Variants in ZBTB20 observed in about 807,000 individuals in gnomAD.
ZBTB20 encodes the protein zinc finger and BTB domain containing 20.
Under a neutral mutation model 56.9 loss-of-function variants are expected in ZBTB20, and 9 were observed. The observed-to-expected ratio is 0.16, with a 90% CI of 0.10 to 0.28. The LOEUF is 0.28. Ranked by LOEUF, ZBTB20 falls within the 10% of genes least tolerant of loss-of-function variation. The pLI, the probability that ZBTB20 is intolerant of heterozygous loss-of-function variation, is 1.00. For synonymous variants in ZBTB20, 417 were observed against 420.7 expected, an observed-to-expected ratio of 0.99 and a Z score of 0.11; for missense variants, 655 against 1,003.0, an observed-to-expected ratio of 0.65 and a Z score of 4.69.
chr3:114,338,834 G>T lies in ZBTB20; in HGVS notation c.*171C>A. The T allele has an allele frequency of 1.4e-6, 1 of 690,224 alleles. No homozygotes were observed. The highest frequency in any genetic ancestry group is 2.2e-6 in the Non-Finnish European group (1 of 454,712). The allele number at this position is 690,224 out of a possible 1,614,324, so 42.8% of individuals were successfully genotyped here. A position where few individuals can be genotyped will look rare whatever the true frequency, so the allele number is the denominator to read the frequency against. ...AAGCCTCCGGAAATGTAATGTACCAGCAGGCAAAAAACAGTTCTTCATGTA... is the reference window on the plus strand; with the variant it reads ...AAGCCTCCGGAAATGTAATGTACCATCAGGCAAAAAACAGTTCTTCATGTA... On this transcript the variant is annotated 3_prime_UTR_variant, in exon 12 of 12. Coordinates refer to ENST00000675478, the MANE Select transcript of ZBTB20 (RefSeq NM_001348800.3).
intron 7 of ZBTB20, among the ~76,000 whole-genome samples, chr3:114,497,940 T>C (rs2109611633): frequency 6.6e-6 from 1 of 152,310 alleles, no homozygotes; most frequent in Admixed American, 6.5e-5. Context: ...GTAAGGCACT[T>C]TCTGATGGGT....
At chr3:114,699,391 T>C (rs1431256695) in intron 5 of ZBTB20, among the ~76,000 whole-genome samples, 1 of 152,066 alleles carries the variant, frequency 6.6e-6, no homozygotes, top group East Asian at 1.9e-4. Context: ...AAATTTAAAT[T>C]ACTAGAAGGA....
At chr3:114,511,628 T>C (rs931558434) in intron 6 of ZBTB20, among the ~76,000 whole-genome samples, 4 of 152,134 alleles carry the variant, frequency 2.6e-5, no homozygotes, top group African/African-American at 9.7e-5. Flanking sequence ...CTTAGTTCAG[T>C]GAACAGTTAG....
chr3:114,982,038 T>G, intron 2 of ZBTB20, among the ~76,000 whole-genome samples: 1 of 152,022 alleles, frequency 6.6e-6, no homozygotes, highest in Non-Finnish European at 1.5e-5. Context: ...ATAGTAAATT[T>G]CCCAGAGTCA....
chr3:114,816,285 T>G (rs908681520), intron 4 of ZBTB20, among the ~76,000 whole-genome samples: 15 of 152,204 alleles, frequency 9.9e-5, no homozygotes, highest in African/African-American at 3.6e-4. Flanking sequence ...GGAAGTATGC[T>G]GGGTGCAATT....
intron 6 of ZBTB20, among the ~76,000 whole-genome samples, chr3:114,503,335 T>A (rs994041538): frequency 4.6e-5 from 7 of 152,290 alleles, no homozygotes; most frequent in Non-Finnish European, 8.8e-5. Context: ...GATCCCAAAC[T>A]TAATAGTATG....
intron 3 of ZBTB20, among the ~76,000 whole-genome samples, chr3:114,924,903 C>T (rs1462073243): frequency 1.3e-5 from 2 of 151,566 alleles, no homozygotes; most frequent in African/African-American, 2.4e-5. Context: ...ACCCCTCCTC[C>T]ATTATACTGT....
intron 6 of ZBTB20, among the ~76,000 whole-genome samples, chr3:114,523,036 T>G (rs1304848783): frequency 3.3e-5 from 5 of 152,026 alleles, no homozygotes; most frequent in African/African-American, 1.2e-4. Context: ...AAGATTGAGC[T>G]CTAGGGCCCT....
chr3:114,431,489 A>G (rs1297382578), intron 7 of ZBTB20, among the ~76,000 whole-genome samples: 1 of 152,224 alleles, frequency 6.6e-6, no homozygotes, highest in Admixed American at 6.5e-5. Flanking sequence ...ATGTACTACG[A>G]CAGCTAATGA....
At chr3:114,576,305 C>T (rs2054007853) in intron 6 of ZBTB20, among the ~76,000 whole-genome samples, 1 of 151,642 alleles carries the variant, frequency 6.6e-6, no homozygotes, top group African/African-American at 2.4e-5. Flanking sequence ...CGAGACCATC[C>T]TGGCTAACAC....
chr3:114,492,503 T>C (rs1435314449), intron 7 of ZBTB20, among the ~76,000 whole-genome samples: 3 of 152,132 alleles, frequency 2.0e-5, no homozygotes, highest in Non-Finnish European at 4.4e-5. Context: ...TAACCAACCA[T>C]GAAAAAGTCC....
At chr3:114,424,682 C>T (rs929131237) in intron 7 of ZBTB20, among the ~76,000 whole-genome samples, 8 of 152,148 alleles carry the variant, frequency 5.3e-5, no homozygotes, top group African/African-American at 1.7e-4. Flanking sequence ...ATCCCCTGCA[C>T]GATCTTACAG....
At chr3:114,719,646 T>C (rs966837269) in intron 5 of ZBTB20, among the ~76,000 whole-genome samples, 14 of 152,112 alleles carry the variant, frequency 9.2e-5, no homozygotes, top group Non-Finnish European at 2.1e-4. Context: ...AAGAAAAAGT[T>C]GGAACCAGCA....
chr3:114,649,267 C>T (rs1375434222), intron 6 of ZBTB20, among the ~76,000 whole-genome samples: 1 of 151,824 alleles, frequency 6.6e-6, no homozygotes, highest in East Asian at 1.9e-4. Context: ...AGATGAGTCT[C>T]CATGAAGTTA....
At chr3:114,491,704 T>C (rs2042771852) in intron 7 of ZBTB20, among the ~76,000 whole-genome samples, 1 of 152,188 alleles carries the variant, frequency 6.6e-6, no homozygotes, top group Non-Finnish European at 1.5e-5. Flanking sequence ...ATTCTTCCCA[T>C]GAAAATACAA....
intron 6 of ZBTB20, among the ~76,000 whole-genome samples, chr3:114,682,968 C>T (rs767026483): frequency 6.6e-6 from 1 of 152,116 alleles, no homozygotes; most frequent in Non-Finnish European, 1.5e-5. Flanking sequence ...TCTGCGGGAA[C>T]AAATTCTGTA....
intron 5 of ZBTB20, among the ~76,000 whole-genome samples, chr3:114,716,418 G>A (rs939546563): frequency 3.3e-5 from 5 of 152,044 alleles, no homozygotes; most frequent in South Asian, 2.1e-4. Flanking sequence ...GACAGTGTGC[G>A]TAGACTCACA....
intron 6 of ZBTB20, among the ~76,000 whole-genome samples, chr3:114,666,363 A>G (rs1363578911): frequency 6.6e-6 from 1 of 152,054 alleles, no homozygotes. Flanking sequence ...CTATCATATC[A>G]TGAAAGAATT....
chr3:114,523,471 G>C lies in ZBTB20; in HGVS notation c.-294-23080C>G, dbSNP rs568805073. Among the ~76,000 whole-genome samples the C allele has an allele frequency of 1.3e-5, 2 of 152,268 alleles. 1 individual carries two copies. Among genetic ancestry groups the C allele is most frequent in the South Asian group, 4.2e-4 (2 of 4,818 alleles). ...GTTTATAAGGGTATTTTTAGGATGA[G>C]ATAAATTATGTGTTTGTATACTGAT... On this transcript the variant is annotated intron_variant, in intron 6 of 11. Transcript: ENST00000675478.
Sources: gnomAD v4.1 joint callset for allele counts (sites outside exome capture counted in the v4.1 genomes callset) on GRCh38, gnomAD v4.1.1 for gene constraint, MANE v1.5 for transcripts, NCBI Gene and HGNC (gene_info 2026-07-23, HGNC 2026-07-21) for gene names.